The following KHDRBS3 variants were observed in gnomAD, a reference collection of about 807,000 sequenced individuals.
The protein encoded by KHDRBS3 is KH domain-containing, RNA-binding, signal transduction-associated protein 3.
KHDRBS3 carries 23 observed loss-of-function variants against 45.6 expected under a neutral mutation model. That is an observed-to-expected ratio of 0.50 (90% CI 0.36 to 0.72). The LOEUF (loss-of-function observed/expected upper bound fraction) is 0.72, where lower values mean the gene tolerates loss of function less well. Ranked by LOEUF, KHDRBS3 falls within the 30% of genes least tolerant of loss-of-function variation. KHDRBS3 has a pLI of 0.00. For synonymous variants in KHDRBS3, 162 were observed against 156.5 expected, an observed-to-expected ratio of 1.04 and a Z score of -0.26; for missense variants, 352 against 424.8, an observed-to-expected ratio of 0.83 and a Z score of 1.51.
chr8:135,462,499 T>C (rs1015289275), intron 1 of KHDRBS3, among the ~76,000 whole-genome samples: 5 of 152,320 alleles, frequency 3.3e-5, no homozygotes, highest in Non-Finnish European at 5.9e-5. Flanking sequence ...ATTTTCGGTT[T>C]GTAGATGCCC....
chr8:135,542,589 C>A, intron 2 of KHDRBS3, 65 bp from the exon 3 acceptor site: 1 of 999,820 alleles, frequency 1.0e-6, no homozygotes, highest in Non-Finnish European at 1.6e-6. Flanking sequence ...TGTTTCTTAA[C>A]ATTCAAGATT....
At chr8:135,605,958 T>A (rs1829441132) in intron 6 of KHDRBS3, among the ~76,000 whole-genome samples, 1 of 152,198 alleles carries the variant, frequency 6.6e-6, no homozygotes, top group Admixed American at 6.5e-5. Flanking sequence ...GTGTAAACTC[T>A]GGAAATCAAT....
intron 1 of KHDRBS3, among the ~76,000 whole-genome samples, chr8:135,496,848 C>G (rs1240260153): frequency 1.3e-5 from 2 of 152,236 alleles, no homozygotes; most frequent in African/African-American, 4.8e-5. Flanking sequence ...TCTTGGCCAA[C>G]TAGCTTGCCT....
chr8:135,620,786 C>G (rs182550672), intron 7 of KHDRBS3, among the ~76,000 whole-genome samples: 1 of 152,146 alleles, frequency 6.6e-6, no homozygotes, highest in Non-Finnish European at 1.5e-5. Context: ...TCTTCCATGT[C>G]CTATAAGTAC....
intron 7 of KHDRBS3, among the ~76,000 whole-genome samples, chr8:135,608,852 A>T (rs1829583974): frequency 6.6e-6 from 1 of 152,236 alleles, no homozygotes; most frequent in Non-Finnish European, 1.5e-5. Context: ...TACTGCAGGC[A>T]GTGGACACAC....
intron 5 of KHDRBS3, among the ~76,000 whole-genome samples, chr8:135,577,107 G>A (rs920746822): frequency 6.7e-6 from 1 of 149,340 alleles, no homozygotes; most frequent in Non-Finnish European, 1.5e-5. Context: ...CTTATTTACG[G>A]TTTTTTTTTT....
chr8:135,594,636 TTCAG>T (rs1188330591), intron 6 of KHDRBS3, among the ~76,000 whole-genome samples: 1 of 152,218 alleles, frequency 6.6e-6, no homozygotes, highest in Non-Finnish European at 1.5e-5. Context: ...AGCTCAATCT[TTCAG>T]AGCATACTCT....
intron 1 of KHDRBS3, among the ~76,000 whole-genome samples, chr8:135,494,937 T>TGAGAGTCC (rs1453652766): frequency 6.6e-6 from 1 of 152,182 alleles, no homozygotes; most frequent in African/African-American, 2.4e-5. Flanking sequence ...TTGCTTTGAT[T>TGAGAGTCC]GAGAGTCTGT....
At chr8:135,611,687 C>A (rs1355113348) in intron 7 of KHDRBS3, among the ~76,000 whole-genome samples, 1 of 151,736 alleles carries the variant, frequency 6.6e-6, no homozygotes, top group East Asian at 1.9e-4. Context: ...GGATTAGAAC[C>A]CACTCTAAAG....
chr8:135,521,490 T>TAA (rs1824908140), intron 2 of KHDRBS3, 135 bp downstream of exon 2: 1 of 491,330 alleles, frequency 2.0e-6, no homozygotes, highest in African/African-American at 2.0e-5. Flanking sequence ...TAAAGTTAAT[T>TAA]AAAAACTTAG....
chr8:135,635,162 A>G (rs1830757805), intron 7 of KHDRBS3, among the ~76,000 whole-genome samples: 2 of 152,214 alleles, frequency 1.3e-5, no homozygotes, highest in South Asian at 4.1e-4. Context: ...CATTGCTTGT[A>G]ATCTATTTTT....
chr8:135,530,593 A>G (rs1012608881), intron 2 of KHDRBS3, among the ~76,000 whole-genome samples: 2 of 152,170 alleles, frequency 1.3e-5, no homozygotes, highest in Non-Finnish European at 2.9e-5. Flanking sequence ...CTGTTAGACC[A>G]AATGGCCACT....
chr8:135,582,606 T>TA (rs1828269383), intron 6 of KHDRBS3, among the ~76,000 whole-genome samples: 2 of 152,232 alleles, frequency 1.3e-5, no homozygotes, highest in Admixed American at 1.3e-4. Flanking sequence ...TAGACTGACT[T>TA]AACGTAAGAG....
intron 1 of KHDRBS3, among the ~76,000 whole-genome samples, chr8:135,460,861 T>C (rs1309815538): frequency 6.6e-6 from 1 of 152,236 alleles, no homozygotes; most frequent in African/African-American, 2.4e-5. Context: ...AGATGAGGTG[T>C]AGTCGTTCTT....
intron 6 of KHDRBS3, among the ~76,000 whole-genome samples, chr8:135,605,875 A>G (rs1829436874): frequency 6.6e-6 from 1 of 152,078 alleles, no homozygotes; most frequent in Admixed American, 6.5e-5. Flanking sequence ...TTTCTTGTGT[A>G]GGGACATACT....
chr8:135,488,391 G>A (rs1822974368), intron 1 of KHDRBS3, among the ~76,000 whole-genome samples: 1 of 152,240 alleles, frequency 6.6e-6, no homozygotes, highest in African/African-American at 2.4e-5. Context: ...CATTTACTGG[G>A]ATGTTAAAAT....
intron 5 of KHDRBS3, among the ~76,000 whole-genome samples, chr8:135,564,987 T>C (rs1463835538): frequency 6.6e-6 from 1 of 151,606 alleles, no homozygotes; most frequent in African/African-American, 2.4e-5. Context: ...TACCCTAGGG[T>C]TTTTAAAGGG....
chr8:135,561,610 T>G (rs1827170590), intron 5 of KHDRBS3, among the ~76,000 whole-genome samples: 1 of 152,116 alleles, frequency 6.6e-6, no homozygotes, highest in South Asian at 2.1e-4. Flanking sequence ...TTTATTGTGT[T>G]TTCATTATGG....
chr8:135,513,992 G>A (rs573927729), intron 1 of KHDRBS3, among the ~76,000 whole-genome samples: 1 of 152,154 alleles, frequency 6.6e-6, no homozygotes, highest in South Asian at 2.1e-4. Context: ...TTTGGACCTA[G>A]AACTGTCTCC....
Sources: gnomAD v4.1 joint callset for allele counts (sites outside exome capture counted in the v4.1 genomes callset) on GRCh38, gnomAD v4.1.1 for gene constraint, MANE v1.5 for transcripts, NCBI Gene and HGNC (gene_info 2026-07-23, HGNC 2026-07-21) for gene names.